Variants in SWAP70 observed in about 807,000 individuals in gnomAD.
The protein encoded by SWAP70 is switching B cell complex subunit SWAP70, also known as switch-associated protein 70.
A neutral mutation model predicts 80.2 loss-of-function variants in SWAP70; 34 were observed. The ratio of observed to expected loss-of-function variants is 0.42; its 90% CI spans 0.32 to 0.56. The LOEUF (loss-of-function observed/expected upper bound fraction) is 0.56. Ranked by LOEUF, SWAP70 falls within the 20% of genes least tolerant of loss-of-function variation. The probability of loss-of-function intolerance (pLI) is 0.09; values close to 1 mark genes in which losing one functional copy is unlikely to be tolerated. For synonymous variants in SWAP70, 239 were observed against 238.5 expected, an observed-to-expected ratio of 1.00 and a Z score of -0.02; for missense variants, 578 against 690.7, an observed-to-expected ratio of 0.84 and a Z score of 1.83.
chr11:9,734,599 TGGA>T (rs1285864894), intron 7 of SWAP70, among the ~76,000 whole-genome samples: 2 of 152,228 alleles, frequency 1.3e-5, no homozygotes, highest in Non-Finnish European at 2.9e-5. Flanking sequence ...AATTTTTTCA[TGGA>T]GGCATTCTTA....
intron 6 of SWAP70, among the ~76,000 whole-genome samples, chr11:9,731,620 T>C (rs1851299781): frequency 6.6e-6 from 1 of 152,210 alleles, no homozygotes; most frequent in Non-Finnish European, 1.5e-5. Context: ...ACTTTATGTA[T>C]AGTACTTTAT....
chr11:9,697,554 A>C (rs536755466), intron 2 of SWAP70, among the ~76,000 whole-genome samples: 27 of 152,302 alleles, frequency 1.8e-4, no homozygotes, highest in Admixed American at 1.4e-3. Flanking sequence ...AAGTGCTGGG[A>C]TTACAGGCAT....
chr11:9,734,361 T>C (rs1186801221), intron 7 of SWAP70, among the ~76,000 whole-genome samples: 2 of 152,230 alleles, frequency 1.3e-5, no homozygotes, highest in East Asian at 1.9e-4. Context: ...GATGCCCTTT[T>C]TAACTTTTAA....
intron 4 of SWAP70, 80 bp from the exon 5 acceptor site, chr11:9,727,973 T>G: frequency 2.3e-6 from 3 of 1,296,318 alleles, no homozygotes; most frequent in Non-Finnish European, 3.1e-6. Flanking sequence ...AATAATGGAG[T>G]AGGCAAGTAT....
intron 8 of SWAP70, 37 bp downstream of exon 8, chr11:9,738,357 G>A (rs1370784010): frequency 6.6e-7 from 1 of 1,515,142 alleles, no homozygotes. Context: ...AGCTGCAGTA[G>A]CTCAGCCTGG....
At chr11:9,673,799 C>T (rs923153164) in intron 1 of SWAP70, among the ~76,000 whole-genome samples, 9 of 152,014 alleles carry the variant, frequency 5.9e-5, no homozygotes, top group African/African-American at 1.7e-4. Context: ...TTAGTTTCTA[C>T]GGCCTGCCTT....
At chr11:9,685,277 A>G (rs1230985763) in intron 1 of SWAP70, among the ~76,000 whole-genome samples, 2 of 152,130 alleles carry the variant, frequency 1.3e-5, no homozygotes, top group Non-Finnish European at 2.9e-5. Context: ...TCAACTTTAT[A>G]GTTCTACAAT....
chr11:9,674,761 G>T (rs1399763255), intron 1 of SWAP70, among the ~76,000 whole-genome samples: 1 of 151,388 alleles, frequency 6.6e-6, no homozygotes. Context: ...TCAGGAGATG[G>T]AGACCATCCT....
chr11:9,728,600 A>C lies in SWAP70; in HGVS notation c.789+401A>C, dbSNP rs552416750. ...GAGTGCAAGAAATAAAAGAAGATGTAAGCATTGTCTTTGAATACTTTGGGT... is the reference window on the plus strand; with the variant it reads ...GAGTGCAAGAAATAAAAGAAGATGTCAGCATTGTCTTTGAATACTTTGGGT... On this transcript the variant is annotated intron_variant, in intron 5 of 11. Coordinates refer to ENST00000318950, the MANE Select transcript of SWAP70 (RefSeq NM_015055.4). Among the ~76,000 whole-genome samples, 44 of 152,370 alleles carry C rather than the reference A, an allele frequency of 2.9e-4. No homozygotes were observed. The South Asian group carries it at 7.9e-3, about 27-fold the overall frequency.
intron 1 of SWAP70, among the ~76,000 whole-genome samples, chr11:9,687,050 A>G (rs1171432388): frequency 6.6e-6 from 1 of 152,222 alleles, no homozygotes; most frequent in Non-Finnish European, 1.5e-5. Context: ...ATTACTAGCA[A>G]GATTAAGCAT....
At chr11:9,664,566 TGTGATTCCTTCTTGGC>T (rs1850286195) in intron 1 of SWAP70, among the ~76,000 whole-genome samples, 1 of 152,172 alleles carries the variant, frequency 6.6e-6, no homozygotes. Flanking sequence ...GAGGGCCAAG[TGTGATTCCTTCTTGGC>T]GTTGGAGAGC....
chr11:9,699,626 A>G (rs575484711), intron 2 of SWAP70, among the ~76,000 whole-genome samples: 77 of 152,158 alleles, frequency 5.1e-4, no homozygotes, highest in African/African-American at 1.8e-3. Flanking sequence ...AGGCTGAGGT[A>G]GGAGCATCAT....
chr11:9,665,026 A>G (rs2134408305), intron 1 of SWAP70, among the ~76,000 whole-genome samples: 1 of 152,316 alleles, frequency 6.6e-6, no homozygotes, highest in South Asian at 2.1e-4. Context: ...TAGGGTATAA[A>G]TAAAGGGATG....
intron 1 of SWAP70, among the ~76,000 whole-genome samples, chr11:9,668,338 A>T (rs1850334117): frequency 6.6e-6 from 1 of 152,214 alleles, no homozygotes; most frequent in Admixed American, 6.5e-5. Flanking sequence ...AGGAAATGTT[A>T]AATCCCAGTT....
chr11:9,750,484 A>G lies in SWAP70; in HGVS notation c.*514A>G, dbSNP rs1342103906. 1.3e-5 allele frequency: 2 copies of G among 152,250 alleles called. No homozygotes were observed. The highest frequency in any genetic ancestry group is 2.9e-5 in the Non-Finnish European group (2 of 68,092). The allele number at this position is 152,250 out of a possible 1,614,324, so 9.4% of individuals were successfully genotyped here. A position where few individuals can be genotyped will look rare whatever the true frequency, so the allele number is the denominator to read the frequency against. On this transcript the variant is annotated 3_prime_UTR_variant, in exon 12 of 12. Transcript: ENST00000318950. ...TGCAAACAAGGGTTACCTGAAAAGA[A>G]AAAAAAAGTCAACATTGTCAAGCTG... is the stretch of plus-strand genomic sequence containing the variant.
chr11:9,686,429 C>T (rs1041991482), intron 1 of SWAP70, among the ~76,000 whole-genome samples: 10 of 151,430 alleles, frequency 6.6e-5, no homozygotes, highest in East Asian at 5.8e-4. Context: ...GGCACCATCA[C>T]GACTCACTGC....
chr11:9,703,868 G>A (rs904489788), intron 2 of SWAP70, among the ~76,000 whole-genome samples: 6 of 152,300 alleles, frequency 3.9e-5, no homozygotes, highest in African/African-American at 1.4e-4. Flanking sequence ...CATGTGAGTT[G>A]TAATAAAATA....
At chr11:9,714,372 T>G (rs912025925) in intron 3 of SWAP70, among the ~76,000 whole-genome samples, 1 of 152,248 alleles carries the variant, frequency 6.6e-6, no homozygotes, top group Non-Finnish European at 1.5e-5. Context: ...ATTACAATGT[T>G]TAGTCTAAGG....
intron 6 of SWAP70, among the ~76,000 whole-genome samples, chr11:9,730,380 T>G (rs940777473): frequency 6.6e-6 from 1 of 151,920 alleles, no homozygotes; most frequent in African/African-American, 2.4e-5. Flanking sequence ...TATGGGTTAT[T>G]TCAAGAAATA....
Sources: allele counts gnomAD v4.1 joint callset (sites outside exome capture counted in the v4.1 genomes callset), GRCh38; gene constraint gnomAD v4.1.1; transcripts MANE v1.5; gene names NCBI Gene and HGNC (gene_info 2026-07-23, HGNC 2026-07-21).